Variants in GFM2 observed in about 807,000 individuals in gnomAD.
The protein encoded by GFM2 is GTP dependent ribosome recycling factor mitochondrial 2.
GFM2 carries 72 observed loss-of-function variants against 95.4 expected under a neutral mutation model. The observed-to-expected ratio is 0.76, with a 90% CI of 0.62 to 0.92. The LOEUF (loss-of-function observed/expected upper bound fraction) is 0.92. Among genes scored for constraint, GFM2 ranks in the 40% least tolerant of loss-of-function variants. The pLI is 0.00. For missense variants in GFM2, 825 were observed against 924.1 expected (o/e 0.89, Z 1.39); for synonymous variants, 276 against 317.5 (o/e 0.87, Z 1.39).
At chr5:74,737,530 A>G (rs1160116291) in intron 14 of GFM2, among the ~76,000 whole-genome samples, 1 of 152,190 alleles carries the variant, frequency 6.6e-6, no homozygotes, top group Non-Finnish European at 1.5e-5. Flanking sequence ...CTGAAGCAAT[A>G]GTCCCAATGT....
chr5:74,738,404 G>A lies in GFM2; in HGVS notation c.1234C>T (p.Arg412Cys), dbSNP rs142425196. 500 of 1,613,312 alleles carry A rather than the reference G, an allele frequency of 3.1e-4. No homozygotes were observed. The African/African-American group carries it at 4.2e-3, about 14-fold the overall frequency. The change falls in exon 14 of 21, where the codon CGT (arginine) becomes TGT (cysteine). Residue 412 changes from arginine to cysteine, a missense_variant. Arg to Cys is a radical substitution (Grantham distance 180). Transcript: ENST00000296805. The part of the protein sequence containing the change: ...INGNCTERIS[R>C]LLLPFADQHV... The stretch of plus-strand genomic sequence containing the variant: ...TGGTCAGCAAACGGCAAAAGCAGAC[G>A]ACTTATTCTCTCCCTGTAAAATCAC...
At chr5:74,737,577 C>CT (rs1296229879) in intron 14 of GFM2, among the ~76,000 whole-genome samples, 3 of 152,148 alleles carry the variant, frequency 2.0e-5, no homozygotes, top group African/African-American at 7.2e-5. Flanking sequence ...CAAGGAGCTC[C>CT]TGCCTTCAGG....
At chr5:74,766,326 C>T (rs1470656282) in intron 1 of GFM2, among the ~76,000 whole-genome samples, 2 of 152,192 alleles carry the variant, frequency 1.3e-5, no homozygotes, top group Non-Finnish European at 2.9e-5. Flanking sequence ...AAAACAAAAA[C>T]AAAAACAAAA....
Position 74,721,647 on chromosome 5 carries a change from T to G in GFM2, c.*8A>C, listed in dbSNP as rs1208833397. On this transcript the variant is annotated 3_prime_UTR_variant, in exon 21 of 21. Coordinates refer to ENST00000296805, the MANE Select transcript of GFM2 (RefSeq NM_032380.5). Reference sequence around the variant, plus strand: ...TGCTCCTGAATTTCTCTCCAAAAACTAAAACATTTAGGTCAAACCACTTCT... The same window carrying G: ...TGCTCCTGAATTTCTCTCCAAAAACGAAAACATTTAGGTCAAACCACTTCT... 6.2e-7 allele frequency: 1 copy of G among 1,606,014 alleles called. No individual in the cohort carries two copies. The highest frequency in any genetic ancestry group is 1.7e-5 in the Admixed American group (1 of 57,914).
Position 74,722,384 on chromosome 5 carries a change from T to C in GFM2, c.2206A>G (p.Ile736Val), listed in dbSNP as rs770911457. Residue 736 changes from isoleucine (I) to valine (V), a missense_variant, in exon 20 of 21, where the codon ATT becomes GTT. Coordinates refer to ENST00000296805, the MANE Select transcript of GFM2 (RefSeq NM_032380.5). ...VVIGFVPLAEIMGYSTVLRTL... is the reference protein window; with the variant it reads ...VVIGFVPLAEVMGYSTVLRTL... ...TTCAGTTACAAAGTACCTACCATAATTTCTGCTAAGGGAACAAATCCAATA... is the reference window on the plus strand; with the variant it reads ...TTCAGTTACAAAGTACCTACCATAACTTCTGCTAAGGGAACAAATCCAATA... 52 of 1,613,176 alleles carry C rather than the reference T, an allele frequency of 3.2e-5. No individual in the cohort carries two copies. Among genetic ancestry groups the C allele is most frequent in the Non-Finnish European group, 4.0e-5 (47 of 1,179,550 alleles).
intron 5 of GFM2, among the ~76,000 whole-genome samples, chr5:74,757,111 G>C (rs1034380876): frequency 6.6e-6 from 1 of 151,986 alleles, no homozygotes; most frequent in African/African-American, 2.4e-5. Context: ...TGTTAACCTA[G>C]TTGCTTTTTA....
intron 10 of GFM2, among the ~76,000 whole-genome samples, chr5:74,742,531 G>A (rs143041951): frequency 6.6e-6 from 1 of 152,268 alleles, no homozygotes; most frequent in Non-Finnish European, 1.5e-5. Flanking sequence ...ATATACTAGT[G>A]TATAATAAGT....
At position 74,763,820 on chromosome 5, in the gene GFM2, G is replaced by A. The variant is rs1744406409; in HGVS notation, c.-24-54C>T. The A allele has an allele frequency of 6.5e-5, 66 of 1,010,710 alleles. 1 individual carries two copies. The South Asian group carries it at 8.5e-4, about 13-fold the overall frequency. The allele number at this position is 1,010,710 out of a possible 1,614,324, so 62.6% of individuals were successfully genotyped here. On this transcript the variant is annotated intron_variant, in intron 1 of 20. Transcript: ENST00000296805. Reference sequence around the variant, plus strand: ...AACTAAACTTATGTATTACATGTCAGCAAGGCATATGTAAGTTAGACATAT... The same window carrying A: ...AACTAAACTTATGTATTACATGTCAACAAGGCATATGTAAGTTAGACATAT...
chr5:74,741,052 T>TA (rs1743082653), intron 11 of GFM2, among the ~76,000 whole-genome samples: 1 of 152,194 alleles, frequency 6.6e-6, no homozygotes, highest in African/African-American at 2.4e-5. Context: ...ATCAATATTT[T>TA]AATTGCCTCT....
chr5:74,730,509 C>G, intron 16 of GFM2, 111 bp from the exon 17 acceptor site: 1 of 704,654 alleles, frequency 1.4e-6, no homozygotes, highest in South Asian at 5.6e-5. Context: ...ATTACAGTTT[C>G]CTTTGTAATT....
chr5:74,738,805 T>C (rs1742971265), intron 12 of GFM2, among the ~76,000 whole-genome samples, 163 bp from the exon 13 acceptor site: 1 of 152,142 alleles, frequency 6.6e-6, no homozygotes, highest in Non-Finnish European at 1.5e-5. Flanking sequence ...TTGACTAAAT[T>C]ACTCAATGGA....
rs562192930 is a variant in GFM2, at chr5:74,721,409, A to G, written c.*246T>C. On this transcript the variant is annotated 3_prime_UTR_variant, in exon 21 of 21. Coordinates refer to ENST00000296805, the MANE Select transcript of GFM2 (RefSeq NM_032380.5). ...TCTTCTGAAGGCTACTTATAGTAAT[A>G]ACTTCATAGATGAACAGCATGATTC... is the stretch of plus-strand genomic sequence containing the variant. The G allele has an allele frequency of 3.4e-5, 24 of 712,986 alleles. No individual in the cohort carries two copies. The highest frequency in any genetic ancestry group is 3.0e-4 in the African/African-American group (17 of 57,044). 44.2% of individuals were successfully genotyped at this position (712,986 alleles called of 1,614,324 possible).
At position 74,750,685 on chromosome 5, in the gene GFM2, C is replaced by G. The variant is rs753397901; in HGVS notation, c.431-18G>C. ...CACATGACCTAAGAAAAAGATAAGA[C>G]GTATAATGCCTTCTTTTTAACAAAA... On this transcript the variant is annotated intron_variant, in intron 6 of 20. Coordinates refer to ENST00000296805, the MANE Select transcript of GFM2 (RefSeq NM_032380.5). The G allele has an allele frequency of 3.8e-6, 6 of 1,561,758 alleles. No individual in the cohort carries two copies. Among genetic ancestry groups the G allele is most frequent in the Non-Finnish European group, 4.4e-6 (5 of 1,135,152 alleles).
intron 2 of GFM2, among the ~76,000 whole-genome samples, chr5:74,761,429 A>G (rs1048197668): frequency 1.3e-5 from 2 of 152,202 alleles, no homozygotes; most frequent in African/African-American, 4.8e-5. Flanking sequence ...AAGGTTAAAT[A>G]AGGTATCTCA....
chr5:74,735,115 ATATACT>A (rs1207628790), intron 15 of GFM2, among the ~76,000 whole-genome samples: 1 of 152,158 alleles, frequency 6.6e-6, no homozygotes, highest in Admixed American at 6.6e-5. Context: ...GTTAACTTTG[ATATACT>A]TAGGCAGCCA....
At chr5:74,764,654 CATT>C in intron 1 of GFM2, among the ~76,000 whole-genome samples, 1 of 152,146 alleles carries the variant, frequency 6.6e-6, no homozygotes, top group African/African-American at 2.4e-5. Flanking sequence ...TGTGAAACCT[CATT>C]ACTACTCCTA....
intron 10 of GFM2, among the ~76,000 whole-genome samples, chr5:74,744,383 AAAGAT>A (rs1245120998): frequency 1.3e-5 from 2 of 151,038 alleles, no homozygotes; most frequent in African/African-American, 4.8e-5. Flanking sequence ...ACTATGTACA[AAAGAT>A]AAGTGAAAAA....
At chr5:74,755,155 C>T (rs1344094826) in intron 5 of GFM2, among the ~76,000 whole-genome samples, 1 of 152,084 alleles carries the variant, frequency 6.6e-6, no homozygotes. Flanking sequence ...TAAATATTTA[C>T]AGAACATTCT....
chr5:74,737,128 A>G, intron 14 of GFM2, 143 bp from the exon 15 acceptor site: 1 of 733,708 alleles, frequency 1.4e-6, no homozygotes, highest in Non-Finnish European at 2.2e-6. Flanking sequence ...CAAAAAGCTC[A>G]TTAATAACTT....
Sources: allele counts gnomAD v4.1 joint callset (sites outside exome capture counted in the v4.1 genomes callset), GRCh38; gene constraint gnomAD v4.1.1; transcripts MANE v1.5; gene names NCBI Gene and HGNC (gene_info 2026-07-23, HGNC 2026-07-21).